Variants in ATP7A observed in about 807,000 individuals in gnomAD.
ATP7A encodes copper-transporting ATPase 1.
In ATP7A, 7 loss-of-function variants were observed where a neutral mutation model predicts 83.5. The observed-to-expected ratio is 0.08, with a 90% confidence interval of 0.05 to 0.16. The LOEUF is 0.16. ATP7A is among the 10% of genes least tolerant of loss of function. ATP7A has a pLI of 1.00. For synonymous variants in ATP7A, 354 were observed against 395.2 expected (o/e 0.90, Z 1.24); for missense variants, 940 against 1,120.8 (o/e 0.84, Z 2.30).
chrX:77,928,136 A>G (rs1407019089), intron 1 of ATP7A, among the ~76,000 whole-genome samples: 5 of 109,986 alleles, frequency 4.5e-5, no homozygotes, highest in African/African-American at 1.7e-4. Context: ...TAATTTAAAA[A>G]TTTTTTGTAG....
chrX:78,017,080 G>T (rs1185557561), intron 12 of ATP7A, among the ~76,000 whole-genome samples: 1 of 112,504 alleles, frequency 8.9e-6, no homozygotes, highest in East Asian at 2.8e-4. Context: ...TTCTGCCTGG[G>T]CATCCAGGCA....
intron 12 of ATP7A, among the ~76,000 whole-genome samples, chrX:78,017,474 C>T (rs945543258): frequency 8.9e-6 from 1 of 112,170 alleles, no homozygotes; most frequent in Non-Finnish European, 1.9e-5. Flanking sequence ...TTCTGCAGCC[C>T]GCTTGAATTT....
At chrX:77,932,022 C>T (rs1470209133) in intron 1 of ATP7A, among the ~76,000 whole-genome samples, 7 of 106,461 alleles carry the variant, frequency 6.6e-5, no homozygotes, top group South Asian at 4.2e-4. Flanking sequence ...CCCTCCTGGA[C>T]GGGGCGGCTG....
chrX:77,976,462 G>A, intron 2 of ATP7A, among the ~76,000 whole-genome samples: 1 of 111,907 alleles, frequency 8.9e-6, no homozygotes, highest in African/African-American at 3.2e-5. Flanking sequence ...GAGTAGATTG[G>A]TTTCAGTTTG....
intron 5 of ATP7A, among the ~76,000 whole-genome samples, chrX:78,001,424 C>T (rs1342677725): frequency 2.2e-5 from 2 of 92,297 alleles, no homozygotes; most frequent in African/African-American, 1.0e-4. Context: ...AATGGGGTAT[C>T]CATCTCTTCA....
chrX:78,041,352 C>G (rs781998326), intron 19 of ATP7A, among the ~76,000 whole-genome samples: 1 of 109,285 alleles, frequency 9.2e-6, no homozygotes, highest in African/African-American at 3.3e-5. Context: ...CTCGGCTCAT[C>G]GCAACCTCCA....
chrX:77,923,962 T>C (rs2077229210), intron 1 of ATP7A: 1 of 112,048 alleles, frequency 8.9e-6, no homozygotes, highest in Non-Finnish European at 1.9e-5. Context: ...TTTTTCAGAA[T>C]TAAAAAGATG....
chrX:78,037,980 G>GTTTTTGTTTTT (rs2078023877), intron 17 of ATP7A, among the ~76,000 whole-genome samples: 6 of 51,220 alleles, frequency 1.2e-4, no homozygotes, highest in African/African-American at 6.1e-4. Flanking sequence ...ATCAAGAAAG[G>GTTTTTGTTTTT]TTTTTTTTTT....
At position 78,043,398 on chromosome X, in the gene ATP7A, C is replaced by G. The variant is rs1557238686; in HGVS notation, c.4087C>G (p.Leu1363Val). 1 of 1,209,060 alleles carries G rather than the reference C, an allele frequency of 8.3e-7. No homozygotes were observed. The highest frequency in any genetic ancestry group is 1.1e-6 in the Non-Finnish European group (1 of 893,510). ...KRIRINFVFALIYNLVGIPIA... is the reference protein window; with the variant it reads ...KRIRINFVFAVIYNLVGIPIA... ...GATTCGGATAAATTTTGTCTTTGCT[C>G]TAATTTATAATCTGGTTGGAATTCC... Residue 1363 changes from leucine (L) to valine (V), a missense_variant, in exon 21 of 23, where the codon CTA becomes GTA. This residue lies in a region of ATP7A where 386 missense variants were observed against 502.2 expected (regional missense o/e 0.77). Coordinates refer to ENST00000341514, the MANE Select transcript of ATP7A (RefSeq NM_000052.7).
intron 1 of ATP7A, among the ~76,000 whole-genome samples, chrX:77,971,290 C>G (rs1237970863): frequency 8.9e-6 from 1 of 111,942 alleles, no homozygotes; most frequent in Non-Finnish European, 1.9e-5. Flanking sequence ...TTCGTACTTA[C>G]AAATGTTAAA....
At chrX:78,029,603 G>T (rs1357615562) in intron 15 of ATP7A, among the ~76,000 whole-genome samples, 159 bp downstream of exon 15, 2 of 111,745 alleles carry the variant, frequency 1.8e-5, no homozygotes, top group Admixed American at 9.5e-5. Context: ...TGTTATTTTG[G>T]TTCTGCTTCA....
chrX:77,920,180 C>T (rs1298025648), intron 1 of ATP7A, among the ~76,000 whole-genome samples: 2 of 109,436 alleles, frequency 1.8e-5, no homozygotes, highest in Non-Finnish European at 1.9e-5. Context: ...CAGTAGTCCG[C>T]AGTATCTATT....
chrX:77,970,286 A>C (rs1402803669), intron 1 of ATP7A, among the ~76,000 whole-genome samples: 1 of 111,762 alleles, frequency 8.9e-6, no homozygotes, highest in Non-Finnish European at 1.9e-5. Flanking sequence ...AACAAGGAAA[A>C]CACAATGCTT....
At chrX:77,955,166 ATT>A (rs1179228909) in intron 1 of ATP7A, among the ~76,000 whole-genome samples, 1 of 111,160 alleles carries the variant, frequency 9.0e-6, no homozygotes. Context: ...GTCTGTGCAC[ATT>A]TTTATATTTT....
chrX:77,919,638 AC>A (rs2077201831), intron 1 of ATP7A, among the ~76,000 whole-genome samples: 1 of 111,863 alleles, frequency 8.9e-6, no homozygotes, highest in Non-Finnish European at 1.9e-5. Context: ...TTACAGGCAC[AC>A]GCCACCCCTG....
chrX:78,011,055 C>A, intron 7 of ATP7A, 121 bp from the exon 8 acceptor site: 1 of 566,070 alleles, frequency 1.8e-6, no homozygotes, highest in Non-Finnish European at 3.0e-6. Flanking sequence ...TCTTTGTATT[C>A]CCCAGAGTGA....
At position 78,033,352 on chromosome X, in the gene ATP7A, G is replaced by A. The variant is rs1176159288; in HGVS notation, c.3295-253G>A. On this transcript the variant is annotated intron_variant, in intron 16 of 22. Transcript: ENST00000341514. ...CTCTGCCCACCTCGGCTTCCCAGCC[G>A]GCTTCTTCAGCTGGGATTACAGGCA... 2.3e-4 allele frequency among the ~76,000 whole-genome samples: 26 copies of A among 112,488 alleles called. No individual in the cohort carries two copies. The Admixed American group carries it at 2.4e-3, about 11-fold the overall frequency.
At chrX:77,956,726 CCTTTCTTTCTTTCTTT>C (rs202001825) in intron 1 of ATP7A, among the ~76,000 whole-genome samples, 94 of 73,771 alleles carry the variant, frequency 1.3e-3, no homozygotes, top group Admixed American at 3.0e-3. Context: ...TACCCAGTCT[CCTTTCTTTCTTTCTTT>C]CTTTCTTTCT....
chrX:77,943,568 A>G (rs997672969), intron 1 of ATP7A, among the ~76,000 whole-genome samples: 1 of 112,329 alleles, frequency 8.9e-6, no homozygotes, highest in Non-Finnish European at 1.9e-5. Flanking sequence ...CTGAATAATA[A>G]AGTAATACAT....
Sources: allele counts gnomAD v4.1 joint callset (sites outside exome capture counted in the v4.1 genomes callset), GRCh38; gene constraint gnomAD v4.1.1; regional missense constraint gnomAD v4.1.1; transcripts MANE v1.5; gene names NCBI Gene and HGNC (gene_info 2026-07-23, HGNC 2026-07-21).